DNAJC6: variants seen among roughly 807,000 people sequenced by gnomAD.
DNAJC6 encodes the protein auxilin.
In DNAJC6, 34 loss-of-function variants were observed where a neutral mutation model predicts 110.0. That is an observed-to-expected ratio of 0.31 (90% CI 0.24 to 0.41). DNAJC6 has a LOEUF of 0.41. Among genes scored for constraint, DNAJC6 ranks in the 10% least tolerant of loss-of-function variants. DNAJC6 has a pLI of 1.00. For synonymous variants in DNAJC6, 406 were observed against 437.2 expected (o/e 0.93, Z 0.89); for missense variants, 1,031 against 1,207.8 (o/e 0.85, Z 2.17).
At chr1:65,290,145 T>C (rs1403373120) in intron 1 of DNAJC6, among the ~76,000 whole-genome samples, 4 of 152,164 alleles carry the variant, frequency 2.6e-5, no homozygotes, top group Non-Finnish European at 5.9e-5. Flanking sequence ...CGTATATATC[T>C]TACAGTTCTG....
chr1:65,272,098 T>C (rs1443659422), intron 1 of DNAJC6, among the ~76,000 whole-genome samples: 2 of 152,306 alleles, frequency 1.3e-5, no homozygotes, highest in East Asian at 3.9e-4. Context: ...TAATGTTGAA[T>C]AGAAGCAGTG....
intron 1 of DNAJC6, among the ~76,000 whole-genome samples, chr1:65,320,610 A>T (rs2101411747): frequency 6.6e-6 from 1 of 152,294 alleles, no homozygotes; most frequent in South Asian, 2.1e-4. Flanking sequence ...TCATTGCATA[A>T]ATGTCTCCTG....
chr1:65,369,605 G>A (rs1422890882), intron 4 of DNAJC6, among the ~76,000 whole-genome samples: 2 of 152,098 alleles, frequency 1.3e-5, no homozygotes, highest in Non-Finnish European at 2.9e-5. Flanking sequence ...TTATAAACTC[G>A]TGGGAGTCTG....
At chr1:65,341,894 G>A (rs1024071682) in intron 1 of DNAJC6, among the ~76,000 whole-genome samples, 2 of 152,094 alleles carry the variant, frequency 1.3e-5, no homozygotes, top group South Asian at 2.1e-4. Context: ...ATGAGGGACC[G>A]CGATCATAGC....
chr1:65,379,004 A>G (rs538272940), intron 4 of DNAJC6, among the ~76,000 whole-genome samples: 1 of 152,338 alleles, frequency 6.6e-6, no homozygotes, highest in East Asian at 1.9e-4. Context: ...TCATGTTATC[A>G]CGAGAGCTGG....
intron 1 of DNAJC6, 133 bp from the exon 2 acceptor site, chr1:65,364,502 C>G: frequency 9.1e-7 from 1 of 1,100,498 alleles, no homozygotes; most frequent in Non-Finnish European, 1.3e-6. Flanking sequence ...GAGTGGGACA[C>G]AATTTCCAGG....
At chr1:65,352,471 C>T (rs550679033) in intron 1 of DNAJC6, among the ~76,000 whole-genome samples, 13 of 152,296 alleles carry the variant, frequency 8.5e-5, no homozygotes, top group African/African-American at 1.9e-4. Flanking sequence ...CCTGCTTGCA[C>T]GAATTGACCT....
At chr1:65,298,848 C>G (rs1644951560) in intron 1 of DNAJC6, 1 of 152,198 alleles carries the variant, frequency 6.6e-6, no homozygotes, top group Admixed American at 6.5e-5. Context: ...CTTTCTTGGT[C>G]AGGCCACAGC....
At chr1:65,355,500 C>T (rs1645535022) in intron 1 of DNAJC6, among the ~76,000 whole-genome samples, 1 of 152,122 alleles carries the variant, frequency 6.6e-6, no homozygotes, top group South Asian at 2.1e-4. Flanking sequence ...TACACATGCC[C>T]CTGCTTCTGC....
intron 16 of DNAJC6, among the ~76,000 whole-genome samples, chr1:65,408,060 A>G (rs957835717): frequency 8.5e-5 from 13 of 152,328 alleles, no homozygotes; most frequent in Non-Finnish European, 1.0e-4. Flanking sequence ...GAGTAGAGAT[A>G]ATAAGTAACT....
intron 1 of DNAJC6, among the ~76,000 whole-genome samples, chr1:65,364,332 A>G (rs1459077215): frequency 5.9e-5 from 9 of 151,894 alleles, no homozygotes; most frequent in African/African-American, 2.2e-4. Context: ...TTTACTGCAC[A>G]TTTCAGTTGA....
At chr1:65,267,885 G>GGTGT (rs59260525) in intron 1 of DNAJC6, among the ~76,000 whole-genome samples, 584 of 149,366 alleles carry the variant, frequency 3.9e-3, no homozygotes, top group African/African-American at 0.014. Flanking sequence ...GGTGTGAGGT[G>GGTGT]GTGTGTGTGT....
At chr1:65,367,732 A>T (rs1570334251) in intron 4 of DNAJC6, among the ~76,000 whole-genome samples, 1 of 152,238 alleles carries the variant, frequency 6.6e-6, no homozygotes, top group East Asian at 1.9e-4. Context: ...CAATCTCTAT[A>T]AAGATGTTTT....
In DNAJC6 at chr1:65,415,281, T is replaced by A. The variant is rs981484876; in HGVS notation, c.*2256T>A. ...ATATTAAAAGGTTCAAAAATATTTG[T>A]ATAAATCTAAGTTATTTGGGTACTT... On this transcript the variant is annotated 3_prime_UTR_variant, in exon 19 of 19. Coordinates refer to ENST00000371069, the MANE Select transcript of DNAJC6 (RefSeq NM_001256864.2). The A allele has an allele frequency of 6.6e-6, 1 of 152,216 alleles. No individual in the cohort carries two copies. Among genetic ancestry groups the A allele is most frequent in the African/African-American group, 2.4e-5 (1 of 41,458 alleles). The allele number at this position is 152,216 out of a possible 1,614,324, so 9.4% of individuals were successfully genotyped here.
chr1:65,397,281 AG>A lies in DNAJC6; in HGVS notation c.2039-1529del, dbSNP rs1285415136. 6.3e-5 allele frequency among the ~76,000 whole-genome samples: 8 copies of A among 126,734 alleles called. No individual in the cohort carries two copies. The East Asian group carries it at 1.7e-3, about 26-fold the overall frequency. 83.1% of individuals were successfully genotyped at this position (126,734 alleles called of 152,430 possible). A position where few individuals can be genotyped will look rare whatever the true frequency, so the allele number is the denominator to read the frequency against. Reference sequence around the variant, plus strand: ...CTGCTTTGGGAGGTCAGACATCCTCAGGGTACTTCCCCCGGGTTTCTGCAAG... The same window carrying A: ...CTGCTTTGGGAGGTCAGACATCCTCAGGTACTTCCCCCGGGTTTCTGCAAG... On this transcript the variant is annotated intron_variant, in intron 13 of 18. Coordinates refer to ENST00000371069, the MANE Select transcript of DNAJC6 (RefSeq NM_001256864.2).
intron 1 of DNAJC6, 81 bp downstream of exon 1, chr1:65,310,019 C>T (rs1645083518): frequency 2.9e-6 from 4 of 1,365,786 alleles, no homozygotes; most frequent in Admixed American, 3.6e-5. Flanking sequence ...GAGGCCCCCC[C>T]GTGGTCCCCC....
At chr1:65,359,494 G>T (rs1288256888) in intron 1 of DNAJC6, among the ~76,000 whole-genome samples, 1 of 152,194 alleles carries the variant, frequency 6.6e-6, no homozygotes, top group Non-Finnish European at 1.5e-5. Flanking sequence ...GAGCCTTAGA[G>T]GCAGTCCTGG....
intron 4 of DNAJC6, among the ~76,000 whole-genome samples, chr1:65,368,878 T>G (rs1339931864): frequency 1.3e-4 from 20 of 151,324 alleles, no homozygotes. Context: ...GGGTTCTGAT[T>G]CTTGTACCTC....
intron 1 of DNAJC6, among the ~76,000 whole-genome samples, chr1:65,359,726 T>C (rs935674326): frequency 6.6e-6 from 1 of 152,208 alleles, no homozygotes; most frequent in Non-Finnish European, 1.5e-5. Flanking sequence ...TGGAAAACTT[T>C]TTCTGTAAAG....
Sources: allele counts gnomAD v4.1 joint callset (sites outside exome capture counted in the v4.1 genomes callset), GRCh38; gene constraint gnomAD v4.1.1; transcripts MANE v1.5; gene names NCBI Gene and HGNC (gene_info 2026-07-23, HGNC 2026-07-21).